NAALADL2: variants seen among roughly 807,000 people sequenced by gnomAD.
NAALADL2 encodes the protein inactive N-acetylated-alpha-linked acidic dipeptidase-like protein 2.
NAALADL2 carries 76 observed loss-of-function variants against 87.2 expected under a neutral mutation model. The ratio of observed to expected loss-of-function variants is 0.87; its 90% CI spans 0.72 to 1.05. The LOEUF is 1.05. Among genes scored for constraint, NAALADL2 ranks in the 50% least tolerant of loss-of-function variants. The pLI is 0.00. For synonymous variants in NAALADL2, 354 were observed against 331.0 expected (o/e 1.07, Z -0.75); for missense variants, 1,089 against 945.8 (o/e 1.15, Z -1.99).
rs967683580 is a variant in NAALADL2, at chr3:175,808,818, A to T, written c.*5615A>T. Reference sequence around the variant, plus strand: ...GTTCTAATTAAAGTACAAACGTGGCATCTGAATAGAAGCTTAGCTAGAGAA... The same window carrying T: ...GTTCTAATTAAAGTACAAACGTGGCTTCTGAATAGAAGCTTAGCTAGAGAA... On this transcript the variant is annotated 3_prime_UTR_variant, in exon 14 of 14. Coordinates refer to ENST00000454872, the MANE Select transcript of NAALADL2 (RefSeq NM_207015.3). 6.6e-6 allele frequency: 1 copy of T among 152,004 alleles called. No homozygotes were observed. The highest frequency in any genetic ancestry group is 1.5e-5 in the Non-Finnish European group (1 of 67,950). 9.4% of individuals were successfully genotyped at this position (152,004 alleles called of 1,614,324 possible). A position where few individuals can be genotyped will look rare whatever the true frequency, so the allele number is the denominator to read the frequency against.
At chr3:174,733,625 C>T (rs1034614024) in intron 2 of NAALADL2, among the ~76,000 whole-genome samples, 5 of 152,136 alleles carry the variant, frequency 3.3e-5, no homozygotes, top group Non-Finnish European at 4.4e-5. Flanking sequence ...TTTCTGTTAC[C>T]GAAACACCAG....
At chr3:175,165,197 C>G (rs1733802536) in intron 2 of NAALADL2, among the ~76,000 whole-genome samples, 1 of 152,134 alleles carries the variant, frequency 6.6e-6, no homozygotes, top group South Asian at 2.1e-4. Context: ...TTCCATAGTA[C>G]TTCAAAGAAT....
In NAALADL2 at chr3:175,787,569, C is replaced by T. The variant is rs1450315389; in HGVS notation, c.2190-15436C>T. Among the ~76,000 whole-genome samples the T allele has an allele frequency of 2.6e-5, 4 of 152,178 alleles. No individual in the cohort carries two copies. The East Asian group carries it at 7.7e-4, about 29-fold the overall frequency. ...GAGGCAATGCCTCGCCCTGCTTCGG[C>T]TCGCGCACGGTGCGCGCACCCACTG... On this transcript the variant is annotated intron_variant, in intron 13 of 13. Coordinates refer to ENST00000454872, the MANE Select transcript of NAALADL2 (RefSeq NM_207015.3).
Position 175,399,500 on chromosome 3 carries a change from C to T in NAALADL2, c.1091-47729C>T, listed in dbSNP as rs1186271240. ...GGTTATTTCTTGATGATATGCTAAACAAGGGGTGGATTATTCATGCCTCCC... is the reference window on the plus strand; with the variant it reads ...GGTTATTTCTTGATGATATGCTAAATAAGGGGTGGATTATTCATGCCTCCC... On this transcript the variant is annotated intron_variant, in intron 5 of 13. Coordinates refer to ENST00000454872, the MANE Select transcript of NAALADL2 (RefSeq NM_207015.3). Among the ~76,000 whole-genome samples, 3 of 152,108 alleles carry T rather than the reference C, an allele frequency of 2.0e-5. No individual in the cohort carries two copies. The East Asian group carries it at 5.8e-4, about 29-fold the overall frequency.
chr3:174,812,836 T>C (rs1035234702), intron 3 of NAALADL2, among the ~76,000 whole-genome samples: 3 of 151,926 alleles, frequency 2.0e-5, no homozygotes, highest in African/African-American at 4.8e-5. Flanking sequence ...AATAGGCTTA[T>C]AGAATAAAGA....
intron 11 of NAALADL2, among the ~76,000 whole-genome samples, chr3:175,648,424 G>C (rs1329794772): frequency 6.6e-6 from 1 of 150,838 alleles, no homozygotes; most frequent in Non-Finnish European, 1.5e-5. Flanking sequence ...AACTAAATGA[G>C]AATTTGGAAC....
At chr3:175,110,383 A>T (rs1402160991) in intron 2 of NAALADL2, among the ~76,000 whole-genome samples, 1 of 151,822 alleles carries the variant, frequency 6.6e-6, no homozygotes, top group Non-Finnish European at 1.5e-5. Context: ...CAGACATGGA[A>T]ATTAAACAAA....
intron 1 of NAALADL2, among the ~76,000 whole-genome samples, chr3:174,916,061 A>G (rs113298915): frequency 6.6e-6 from 1 of 152,144 alleles, no homozygotes; most frequent in Non-Finnish European, 1.5e-5. Context: ...TGGGCAAAGG[A>G]CATGAATATA....
rs114801718 is a variant in NAALADL2, at chr3:175,095,029, G to A, written c.44-1761G>A. Among the ~76,000 whole-genome samples, 231 of 152,100 alleles carry A rather than the reference G, an allele frequency of 1.5e-3. 1 individual carries two copies. Among genetic ancestry groups the A allele is most frequent in the African/African-American group, 5.4e-3 (223 of 41,520 alleles). The stretch of plus-strand genomic sequence containing the variant: ...ATTTCACATACGAAGACCCTGTGTC[G>A]TAGGGAAGTTAAGTTTTTTGACCAA... On this transcript the variant is annotated intron_variant, in intron 1 of 13. Coordinates refer to ENST00000454872, the MANE Select transcript of NAALADL2 (RefSeq NM_207015.3).
At chr3:175,021,916 G>C (rs1751606949) in intron 1 of NAALADL2, among the ~76,000 whole-genome samples, 1 of 152,072 alleles carries the variant, frequency 6.6e-6, no homozygotes, top group South Asian at 2.1e-4. Flanking sequence ...TTCAATGTTG[G>C]AAGTAGGGCC....
intron 4 of NAALADL2, among the ~76,000 whole-genome samples, chr3:175,278,590 A>G (rs1753888409): frequency 1.3e-5 from 2 of 152,036 alleles, no homozygotes; most frequent in Non-Finnish European, 2.9e-5. Context: ...TTTTGCTTTT[A>G]AAGTGTTCCT....
At chr3:174,650,157 G>A (rs1212673384) in intron 2 of NAALADL2, among the ~76,000 whole-genome samples, 1 of 151,930 alleles carries the variant, frequency 6.6e-6, no homozygotes, top group Non-Finnish European at 1.5e-5. Flanking sequence ...TGTGGTTCAG[G>A]GATTGGGTAG....
At chr3:175,063,457 T>A (rs78446448) in intron 1 of NAALADL2, among the ~76,000 whole-genome samples, 16,897 of 151,450 alleles carry the variant, frequency 0.11, 1,071 homozygotes, top group East Asian at 0.21. Flanking sequence ...GAGTAAAATA[T>A]ATATAAACAG....
intron 10 of NAALADL2, among the ~76,000 whole-genome samples, chr3:175,596,535 GT>G (rs1386735949): frequency 6.6e-6 from 1 of 151,840 alleles, no homozygotes; most frequent in Non-Finnish European, 1.5e-5. Context: ...TAAAATTAGT[GT>G]TTCCTAACTT....
intron 2 of NAALADL2, among the ~76,000 whole-genome samples, chr3:174,696,189 G>A (rs566107798): frequency 6.6e-6 from 1 of 152,028 alleles, no homozygotes; most frequent in South Asian, 2.1e-4. Flanking sequence ...GGAGGCTTTA[G>A]TACAAAATAA....
At chr3:175,539,862 A>G (rs183902899) in intron 9 of NAALADL2, among the ~76,000 whole-genome samples, 68 of 152,300 alleles carry the variant, frequency 4.5e-4, no homozygotes, top group Admixed American at 2.2e-3. Flanking sequence ...GTGAAACTTG[A>G]TAACTATTTG....
chr3:175,259,226 G>C (rs531307269), intron 4 of NAALADL2, among the ~76,000 whole-genome samples: 1 of 152,070 alleles, frequency 6.6e-6, no homozygotes, highest in African/African-American at 2.4e-5. Flanking sequence ...ACAACAGATA[G>C]GTAAGAGTAT....
intron 5 of NAALADL2, among the ~76,000 whole-genome samples, chr3:175,360,860 TTC>T (rs1764913973): frequency 6.8e-6 from 1 of 147,032 alleles, no homozygotes; most frequent in Non-Finnish European, 1.5e-5. Context: ...ATCTCACAAT[TTC>T]TTTTTTTTTA....
At chr3:174,620,002 A>G (rs1397500172) in intron 2 of NAALADL2, among the ~76,000 whole-genome samples, 10 of 151,936 alleles carry the variant, frequency 6.6e-5, no homozygotes. Context: ...AGGGAAGCAC[A>G]AGCATGTATC....
Sources: allele counts gnomAD v4.1 joint callset (sites outside exome capture counted in the v4.1 genomes callset), GRCh38; gene constraint gnomAD v4.1.1; transcripts MANE v1.5; gene names NCBI Gene and HGNC (gene_info 2026-07-23, HGNC 2026-07-21).